DYNC2H1: variants seen among roughly 807,000 people sequenced by gnomAD.
DYNC2H1 encodes the protein cytoplasmic dynein 2 heavy chain 1.
DYNC2H1 carries 410 observed loss-of-function variants against 570.0 expected under a neutral mutation model. That is an observed-to-expected ratio of 0.72 (90% confidence interval 0.66 to 0.78). The LOEUF (loss-of-function observed/expected upper bound fraction) is 0.78, where lower values mean the gene tolerates loss of function less well. Ranked by LOEUF, DYNC2H1 falls within the 30% of genes least tolerant of loss-of-function variation. The pLI is 0.00. For missense variants in DYNC2H1, 4,865 were observed against 5,046.4 expected (o/e 0.96, Z 1.09); for synonymous variants, 1,688 against 1,677.6 (o/e 1.01, Z -0.15).
chr11:103,123,604 A>G (rs1858834758), intron 11 of DYNC2H1, among the ~76,000 whole-genome samples: 1 of 152,312 alleles, frequency 6.6e-6, no homozygotes, highest in African/African-American at 2.4e-5. Flanking sequence ...TTGAGCCTAA[A>G]ACATGAGAGA....
At chr11:103,164,802 C>T (rs1861233958) in intron 30 of DYNC2H1, among the ~76,000 whole-genome samples, 1 of 152,190 alleles carries the variant, frequency 6.6e-6, no homozygotes, top group Non-Finnish European at 1.5e-5. Flanking sequence ...TGTAACTTAA[C>T]TCTAACTTTT....
intron 63 of DYNC2H1, among the ~76,000 whole-genome samples, chr11:103,237,828 A>AT (rs1341244988): frequency 6.6e-6 from 1 of 151,922 alleles, no homozygotes; most frequent in South Asian, 2.1e-4. Context: ...TATCAGAATA[A>AT]TTTTTTTACC....
chr11:103,432,218 TAAGAG>T (rs1219549523), intron 84 of DYNC2H1, among the ~76,000 whole-genome samples: 2 of 152,150 alleles, frequency 1.3e-5, no homozygotes, highest in Non-Finnish European at 2.9e-5. Context: ...TTACGTAGAA[TAAGAG>T]AAGACAACAC....
intron 82 of DYNC2H1, among the ~76,000 whole-genome samples, chr11:103,338,806 G>C (rs1939290447): frequency 6.6e-6 from 1 of 152,148 alleles, no homozygotes; most frequent in Non-Finnish European, 1.5e-5. Context: ...CATCACTCCA[G>C]GATTGGTCAC....
At chr11:103,267,109 G>A (rs555392143) in intron 70 of DYNC2H1, among the ~76,000 whole-genome samples, 20 of 152,158 alleles carry the variant, frequency 1.3e-4, no homozygotes, top group African/African-American at 4.3e-4. Flanking sequence ...TTTCCTGCCC[G>A]GGTTCCAGAG....
In DYNC2H1 at chr11:103,275,311, G is replaced by C. The variant is rs919535400; in HGVS notation, c.10696-5037G>C. On this transcript the variant is annotated intron_variant, in intron 70 of 88. Transcript: ENST00000375735. This position sits in a 1 kb window ranked among gnomAD's most constrained non-coding sequence, Gnocchi z 4.8. ...ACTATCAAAATCCTGCACCAGAGTG[G>C]TACACTTGTTAAAACTGTTCAACTT... Among the ~76,000 whole-genome samples the C allele has an allele frequency of 1.3e-5, 2 of 152,018 alleles. No individual in the cohort carries two copies. The highest frequency in any genetic ancestry group is 4.8e-5 in the African/African-American group (2 of 41,384).
intron 81 of DYNC2H1, among the ~76,000 whole-genome samples, chr11:103,323,331 C>T (rs934902918): frequency 5.9e-5 from 9 of 152,068 alleles, no homozygotes; most frequent in Admixed American, 2.0e-4. Context: ...ATTATCAATG[C>T]ATTTTATCAC....
At chr11:103,392,730 A>C (rs1275796446) in intron 83 of DYNC2H1, among the ~76,000 whole-genome samples, 1 of 152,096 alleles carries the variant, frequency 6.6e-6, no homozygotes, top group African/African-American at 2.4e-5. Context: ...GGGGGTATGG[A>C]GGCAAAGATA....
intron 65 of DYNC2H1, among the ~76,000 whole-genome samples, chr11:103,250,443 C>T (rs188381064): frequency 1.6e-3 from 240 of 152,142 alleles, no homozygotes; most frequent in Admixed American, 6.8e-3. Context: ...CTATTGATCA[C>T]GTCACCCAGA....
chr11:103,435,544 A>G (rs1002448154), intron 84 of DYNC2H1, among the ~76,000 whole-genome samples: 2 of 152,038 alleles, frequency 1.3e-5, no homozygotes, highest in Non-Finnish European at 2.9e-5. Flanking sequence ...TGGTTGGGGA[A>G]TAAAGTTTCC....
rs538551800 is a variant in DYNC2H1, at chr11:103,164,106, C to T, written c.4611+959C>T. ...ACCAGAGTAGACTGCTTTATTACCA[C>T]TGAAAATGTTTCCTAGTACTCTGTC... On this transcript the variant is annotated intron_variant, in intron 30 of 88. Transcript: ENST00000375735. Among the ~76,000 whole-genome samples, 3 of 152,262 alleles carry T rather than the reference C, an allele frequency of 2.0e-5. No homozygotes were observed. In the East Asian group the frequency reaches 5.8e-4, roughly 29 times the overall value.
chr11:103,474,982 A>G (rs1040587939), intron 88 of DYNC2H1, among the ~76,000 whole-genome samples: 1 of 152,168 alleles, frequency 6.6e-6, no homozygotes, highest in Non-Finnish European at 1.5e-5. Context: ...GGCATGGGCA[A>G]ATTTTGTTGT....
In DYNC2H1 at chr11:103,116,562, T is replaced by C; in HGVS notation, c.622-8T>C. The stretch of plus-strand genomic sequence containing the variant: ...ATTATGTTTAAAAATTAATGCATTT[T>C]TTTCTAGGAGTTTTATAACTTGGAC... On this transcript the variant is annotated splice_region_variant and splice_polypyrimidine_tract_variant and intron_variant, in intron 4 of 88. Coordinates refer to ENST00000375735, the MANE Select transcript of DYNC2H1 (RefSeq NM_001377.3). 6.4e-7 allele frequency: 1 copy of C among 1,567,128 alleles called. No individual in the cohort carries two copies. The highest frequency in any genetic ancestry group is 8.6e-7 in the Non-Finnish European group (1 of 1,157,638).
At chr11:103,135,333 C>A (rs1178548446) in intron 15 of DYNC2H1, among the ~76,000 whole-genome samples, 162 bp from the exon 16 acceptor site, 1 of 152,082 alleles carries the variant, frequency 6.6e-6, no homozygotes, top group Non-Finnish European at 1.5e-5. Flanking sequence ...TCTAAATAAA[C>A]TTATACGGAG....
chr11:103,449,285 G>A (rs511945), intron 85 of DYNC2H1, among the ~76,000 whole-genome samples: 2 of 151,950 alleles, frequency 1.3e-5, no homozygotes, highest in African/African-American at 2.4e-5. Flanking sequence ...CAATGCAGGC[G>A]TTGTCTGCTA....
chr11:103,411,249 G>T (rs118173799), intron 84 of DYNC2H1, among the ~76,000 whole-genome samples: 4 of 152,034 alleles, frequency 2.6e-5, no homozygotes, highest in Non-Finnish European at 4.4e-5. Context: ...TTTAGTTGGG[G>T]GTTACTCATA....
At position 103,425,290 on chromosome 11, in the gene DYNC2H1, G is replaced by A. The variant is rs139158508; in HGVS notation, c.12367-10653G>A. Among the ~76,000 whole-genome samples the A allele has an allele frequency of 1.6e-3, 247 of 152,194 alleles. 2 individuals carry two copies. The highest frequency in any genetic ancestry group is 5.6e-3 in the African/African-American group (231 of 41,538). On this transcript the variant is annotated intron_variant, in intron 84 of 88. Coordinates refer to ENST00000375735, the MANE Select transcript of DYNC2H1 (RefSeq NM_001377.3). Reference sequence around the variant, plus strand: ...TGCTATTACAAATTTTGATAGACTGGGTGGCTTAAACATTTATTTCTTACA... The same window carrying A: ...TGCTATTACAAATTTTGATAGACTGAGTGGCTTAAACATTTATTTCTTACA...
In DYNC2H1 at chr11:103,239,043, GC is replaced by G. The variant is rs1404779940; in HGVS notation, c.9819+2505del. Among the ~76,000 whole-genome samples, 1 of 152,186 alleles carries G rather than the reference GC, an allele frequency of 6.6e-6. No individual in the cohort carries two copies. Among genetic ancestry groups the G allele is most frequent in the Non-Finnish European group, 1.5e-5 (1 of 68,032 alleles). ...AGTGGATAATGGAAAGTATAATAAG[GC>G]TGTTAGAAACTATGGAGAAGGTGTG... is the stretch of plus-strand genomic sequence containing the variant. On this transcript the variant is annotated intron_variant, in intron 63 of 88. Coordinates refer to ENST00000375735, the MANE Select transcript of DYNC2H1 (RefSeq NM_001377.3). This position sits in a 1 kb window ranked among gnomAD's most constrained non-coding sequence, Gnocchi z 4.3.
intron 84 of DYNC2H1, among the ~76,000 whole-genome samples, chr11:103,430,782 C>T (rs1052563678): frequency 3.9e-5 from 6 of 152,110 alleles, no homozygotes; most frequent in Non-Finnish European, 8.8e-5. Flanking sequence ...CATTTACCTT[C>T]TGAGACTCAT....
Sources: gnomAD v4.1 joint callset for allele counts (sites outside exome capture counted in the v4.1 genomes callset) on GRCh38, gnomAD v4.1.1 for gene constraint, Gnocchi (gnomAD v3.1) non-coding constraint, MANE v1.5 for transcripts, NCBI Gene and HGNC (gene_info 2026-07-23, HGNC 2026-07-21) for gene names.